CIAPIN1: variants seen among roughly 807,000 people sequenced by gnomAD.
CIAPIN1 encodes the protein anamorsin.
CIAPIN1 carries 18 observed loss-of-function variants against 34.3 expected under a neutral mutation model. The observed-to-expected ratio is 0.52, with a 90% confidence interval of 0.36 to 0.78. CIAPIN1 has a LOEUF of 0.78. Ranked by LOEUF, CIAPIN1 falls within the 30% of genes least tolerant of loss-of-function variation. The probability of loss-of-function intolerance (pLI) is 0.00; values close to 1 mark genes in which losing one functional copy is unlikely to be tolerated. For synonymous variants in CIAPIN1, 131 were observed against 140.4 expected (o/e 0.93, Z 0.47); for missense variants, 310 against 372.5 (o/e 0.83, Z 1.38).
At chr16:57,447,096 G>C (rs2030111005) in intron 1 of CIAPIN1, among the ~76,000 whole-genome samples, 1 of 152,204 alleles carries the variant, frequency 6.6e-6, no homozygotes, top group African/African-American at 2.4e-5. Flanking sequence ...GCTGCGCAAG[G>C]GACGAGGCAG....
rs1275222430 is a variant in CIAPIN1, at chr16:57,429,001, C to T, written c.*169G>A. The T allele has an allele frequency of 3.3e-6, 2 of 603,736 alleles. No individual in the cohort carries two copies. Among genetic ancestry groups the T allele is most frequent in the African/African-American group, 1.9e-5 (1 of 53,846 alleles). 37.4% of individuals were successfully genotyped at this position (603,736 alleles called of 1,614,324 possible). On this transcript the variant is annotated 3_prime_UTR_variant, in exon 9 of 9. Transcript: ENST00000394391. ...CTTGGTCTTTTGATACACAGCAGCA[C>T]TACACACCACTGTGCCCCCCAGCCA...
In CIAPIN1 at chr16:57,436,651, C is replaced by T. The variant is rs1294642092; in HGVS notation, c.387+5G>A. Reference sequence around the variant, plus strand: ...GGCAGCAAAGAAAGTTGTCTACAAACGTACCTCTTTCACTTCCACAAGACC... The same window carrying T: ...GGCAGCAAAGAAAGTTGTCTACAAATGTACCTCTTTCACTTCCACAAGACC... On this transcript the variant is annotated splice_donor_5th_base_variant and intron_variant, in intron 4 of 8. Transcript: ENST00000394391. The T allele has an allele frequency of 8.1e-6, 13 of 1,610,914 alleles. No homozygotes were observed. Among genetic ancestry groups the T allele is most frequent in the Admixed American group, 6.7e-5 (4 of 59,956 alleles).
intron 3 of CIAPIN1, among the ~76,000 whole-genome samples, chr16:57,437,547 A>C (rs1903232233): frequency 6.7e-6 from 1 of 148,412 alleles, no homozygotes. Context: ...TTTTTGAGAC[A>C]GGGTCTCACT....
chr16:57,438,825 T>C (rs963847968), intron 3 of CIAPIN1, among the ~76,000 whole-genome samples: 3 of 152,224 alleles, frequency 2.0e-5, no homozygotes, highest in Admixed American at 1.3e-4. Flanking sequence ...AGATTGGCTT[T>C]TTTCACTCAG....
chr16:57,439,222 A>C lies in CIAPIN1; in HGVS notation c.270T>G (p.Gly90=). Residue 90 remains glycine (G), a synonymous_variant, in exon 3 of 9, where the codon GGT becomes GGG. Coordinates refer to ENST00000394391, the MANE Select transcript of CIAPIN1 (RefSeq NM_020313.4). ...CTGGCTCCTTCAGAAAAAGACATCC[A>C]CCAGGCCGAAGGATCCGGGCGATTT... ...LAEIARILRP[G]GCLFLKEPVE... 1 of 1,614,112 alleles carries C rather than the reference A, an allele frequency of 6.2e-7. No homozygotes were observed. The highest frequency in any genetic ancestry group is 8.5e-7 in the Non-Finnish European group (1 of 1,180,034).
intron 4 of CIAPIN1, 87 bp from the exon 5 acceptor site, chr16:57,434,299 T>C (rs1358259866): frequency 1.6e-6 from 2 of 1,248,956 alleles, no homozygotes; most frequent in Non-Finnish European, 1.2e-6. Context: ...CAAAGACTCA[T>C]TTCTGTGCAT....
At position 57,440,810 on chromosome 16, in the gene CIAPIN1, C is replaced by T; in HGVS notation, c.119G>A (p.Gly40Asp). 1 of 1,613,754 alleles carries T rather than the reference C, an allele frequency of 6.2e-7. No homozygotes were observed. The highest frequency in any genetic ancestry group is 8.5e-7 in the Non-Finnish European group (1 of 1,179,798). ...DKLQALTGNE[G>D]RVSVENIKQL... ...CTTGATGTTTTCCACAGACACGCGGCCCTCATTGCCGGTTAACGCTTGAAG... is the reference window on the plus strand; with the variant it reads ...CTTGATGTTTTCCACAGACACGCGGTCCTCATTGCCGGTTAACGCTTGAAG... Residue 40 changes from glycine (G) to aspartate (D), a missense_variant, in exon 2 of 9, where the codon GGC (glycine) becomes GAC (aspartate). Transcript: ENST00000394391.
In CIAPIN1 at chr16:57,434,088, G is replaced by A; in HGVS notation, c.512C>T (p.Ser171Phe). Residue 171 changes from serine (S) to phenylalanine (F), a missense_variant, in exon 5 of 9, where the codon TCT becomes TTT. Ser to Phe is a radical substitution (Grantham distance 155). Coordinates refer to ENST00000394391, the MANE Select transcript of CIAPIN1 (RefSeq NM_020313.4). ...GKKPNFEVGS[S>F]RQLKLSITKK... is the part of the protein sequence containing the mutation. ...GGTGATGGAAAGCTTAAGCTGCCTAGAAGAACCCACTTCAAAGTTTGGTTT... is the reference window on the plus strand; with the variant it reads ...GGTGATGGAAAGCTTAAGCTGCCTAAAAGAACCCACTTCAAAGTTTGGTTT... The A allele has an allele frequency of 6.2e-7, 1 of 1,614,168 alleles. No homozygotes were observed. The highest frequency in any genetic ancestry group is 8.5e-7 in the Non-Finnish European group (1 of 1,180,024).
chr16:57,440,451 G>T (rs1903303155), intron 2 of CIAPIN1, among the ~76,000 whole-genome samples: 1 of 152,102 alleles, frequency 6.6e-6, no homozygotes, highest in Admixed American at 6.5e-5. Flanking sequence ...AAACTTGCTG[G>T]TTTTGCGGCT....
chr16:57,439,427 C>G, intron 2 of CIAPIN1, 93 bp from the exon 3 acceptor site: 1 of 1,321,656 alleles, frequency 7.6e-7, no homozygotes, highest in South Asian at 1.3e-5. Context: ...AGACCTCACC[C>G]TGAGAGAATG....
At chr16:57,436,822 C>T (rs1903211294) in intron 3 of CIAPIN1, 90 bp from the exon 4 acceptor site, 2 of 996,102 alleles carry the variant, frequency 2.0e-6, no homozygotes, top group Non-Finnish European at 1.5e-6. Flanking sequence ...CGCAGGCATT[C>T]AAACAATAAT....
chr16:57,434,308 A>G, intron 4 of CIAPIN1, 96 bp from the exon 5 acceptor site: 1 of 1,169,992 alleles, frequency 8.5e-7, no homozygotes, highest in Non-Finnish European at 1.3e-6. Context: ...ATTTCTGTGC[A>G]TTAAGGATGT....
Position 57,440,999 on chromosome 16 carries a change from G to C in CIAPIN1, c.-55-16C>G. The C allele has an allele frequency of 6.7e-7, 1 of 1,499,722 alleles. No homozygotes were observed. Among genetic ancestry groups the C allele is most frequent in the Non-Finnish European group, 9.1e-7 (1 of 1,103,062 alleles). The allele number at this position is 1,499,722 out of a possible 1,614,324, so 92.9% of individuals were successfully genotyped here. On this transcript the variant is annotated splice_polypyrimidine_tract_variant and intron_variant, in intron 1 of 8. Coordinates refer to ENST00000394391, the MANE Select transcript of CIAPIN1 (RefSeq NM_020313.4). Reference sequence around the variant, plus strand: ...GGAATCAAGACTGGGCAGAGACAAAGTGCAATTTAATCTGTGAGATATCAT... The same window carrying C: ...GGAATCAAGACTGGGCAGAGACAAACTGCAATTTAATCTGTGAGATATCAT...
At chr16:57,443,083 GA>G (rs563414443) in intron 1 of CIAPIN1, among the ~76,000 whole-genome samples, 51 of 111,868 alleles carry the variant, frequency 4.6e-4, no homozygotes, top group South Asian at 8.9e-4. Context: ...AGTAAAAATG[GA>G]AAAAAAAAAA....
chr16:57,447,135 G>T (rs2030113925), intron 1 of CIAPIN1, among the ~76,000 whole-genome samples: 1 of 152,230 alleles, frequency 6.6e-6, no homozygotes, highest in Admixed American at 6.5e-5. Context: ...TCCCAGTCAG[G>T]ACCCCAGGGA....
intron 3 of CIAPIN1, among the ~76,000 whole-genome samples, chr16:57,438,759 C>T (rs1185790147): frequency 6.6e-6 from 1 of 152,154 alleles, no homozygotes; most frequent in Non-Finnish European, 1.5e-5. Context: ...ATCTCCACCG[C>T]CACAATTTTG....
chr16:57,430,770 C>T (rs1903068350), intron 7 of CIAPIN1: 1 of 234,606 alleles, frequency 4.3e-6, no homozygotes. Flanking sequence ...CAATCCTTCC[C>T]ATCCATTTAT....
chr16:57,445,654 C>G (rs1238695206), intron 1 of CIAPIN1, among the ~76,000 whole-genome samples: 2 of 152,180 alleles, frequency 1.3e-5, no homozygotes, highest in African/African-American at 4.8e-5. Flanking sequence ...TTGCCCCTCT[C>G]TGGGCCTCAG....
rs201936093 is a variant in CIAPIN1 at position 57,436,708 on chromosome 16, G to A, written c.335C>T (p.Ala112Val). The change falls in exon 4 of 9, where the codon GCA becomes GTA. Residue 112 changes from alanine to valine, a missense_variant. Coordinates refer to ENST00000394391, the MANE Select transcript of CIAPIN1 (RefSeq NM_020313.4). ...AVDNNSKVKT[A>V]SKLCSALTLS... The stretch of plus-strand genomic sequence containing the variant: ...AGTCAGGGCTGAACACAGCTTAGAT[G>A]CTGTCTTCACTTTGCTATTGTTATC... The A allele has an allele frequency of 2.5e-6, 4 of 1,613,784 alleles. No individual in the cohort carries two copies. The highest frequency in any genetic ancestry group is 3.3e-5 in the Admixed American group (2 of 60,000).
Sources: allele counts gnomAD v4.1 joint callset (sites outside exome capture counted in the v4.1 genomes callset), GRCh38; gene constraint gnomAD v4.1.1; transcripts MANE v1.5; gene names NCBI Gene and HGNC (gene_info 2026-07-23, HGNC 2026-07-21).